Variants in RAI14 observed in about 807,000 individuals in gnomAD.
RAI14 encodes retinoic acid induced 14, also known as ankycorbin.
A neutral mutation model predicts 115.4 loss-of-function variants in RAI14; 45 were observed. The ratio of observed to expected loss-of-function variants is 0.39; its 90% CI spans 0.31 to 0.50. The LOEUF (loss-of-function observed/expected upper bound fraction) is 0.50. Among genes scored for constraint, RAI14 ranks in the 20% least tolerant of loss-of-function variants. The probability of loss-of-function intolerance (pLI) is 0.85; values close to 1 mark genes in which losing one functional copy is unlikely to be tolerated. For missense variants in RAI14, 939 were observed against 1,131.2 expected (o/e 0.83, Z 2.44); for synonymous variants, 371 against 415.4 (o/e 0.89, Z 1.30).
chr5:34,801,470 G>A (rs1354658667), intron 4 of RAI14, among the ~76,000 whole-genome samples: 3 of 148,100 alleles, frequency 2.0e-5, no homozygotes, highest in South Asian at 2.2e-4. Flanking sequence ...GGGGCCGGGC[G>A]CAGTGGCTCA....
At chr5:34,747,611 C>T (rs1746458805) in intron 2 of RAI14, among the ~76,000 whole-genome samples, 1 of 152,148 alleles carries the variant, frequency 6.6e-6, no homozygotes, top group Non-Finnish European at 1.5e-5. Flanking sequence ...TAATTTTTCT[C>T]CATGAAGGAA....
At chr5:34,724,517 G>A (rs1386121899) in intron 2 of RAI14, among the ~76,000 whole-genome samples, 1 of 152,130 alleles carries the variant, frequency 6.6e-6, no homozygotes, top group African/African-American at 2.4e-5. Flanking sequence ...GGCGTGACAG[G>A]AAGCCATGGA....
Position 34,730,496 on chromosome 5 carries a change from C to T in RAI14, c.37-26972C>T, listed in dbSNP as rs981877376. On this transcript the variant is annotated intron_variant, in intron 2 of 17. Transcript: ENST00000265109. Reference sequence around the variant, plus strand: ...TTCAAGACTAGACTGGTCAACATGGCGAAACCCCGTCTCTACTAAAAATAC... The same window carrying T: ...TTCAAGACTAGACTGGTCAACATGGTGAAACCCCGTCTCTACTAAAAATAC... Among the ~76,000 whole-genome samples, 9 of 151,752 alleles carry T rather than the reference C, an allele frequency of 5.9e-5. No individual in the cohort carries two copies. The South Asian group carries it at 8.4e-4, about 14-fold the overall frequency.
intron 2 of RAI14, among the ~76,000 whole-genome samples, chr5:34,688,474 CT>C: frequency 6.6e-6 from 1 of 152,142 alleles, no homozygotes; most frequent in East Asian, 1.9e-4. Flanking sequence ...AAATCAAAAA[CT>C]GGTGGCAGTA....
chr5:34,678,077 G>C (rs1744117636), intron 1 of RAI14, among the ~76,000 whole-genome samples: 1 of 150,464 alleles, frequency 6.6e-6, no homozygotes, highest in South Asian at 2.2e-4. Flanking sequence ...TAAGAAGTTA[G>C]AGGGATAAAA....
chr5:34,798,940 T>C (rs1753863356), intron 4 of RAI14, among the ~76,000 whole-genome samples: 1 of 152,220 alleles, frequency 6.6e-6, no homozygotes, highest in African/African-American at 2.4e-5. Context: ...TCACCTGATA[T>C]TTTTAGCCAT....
At chr5:34,666,592 G>A (rs1056191055) in intron 1 of RAI14, among the ~76,000 whole-genome samples, 22 of 152,146 alleles carry the variant, frequency 1.4e-4, no homozygotes, top group Non-Finnish European at 2.6e-4. Flanking sequence ...GGACTGCCAC[G>A]TCAGCTGTAC....
chr5:34,754,546 T>A (rs1747633387), intron 2 of RAI14, among the ~76,000 whole-genome samples: 1 of 132,662 alleles, frequency 7.5e-6, no homozygotes, highest in African/African-American at 2.5e-5. Context: ...TCCCTCCTCT[T>A]TTCCCAACCT....
At chr5:34,697,401 A>G (rs1739395568) in intron 2 of RAI14, among the ~76,000 whole-genome samples, 1 of 150,022 alleles carries the variant, frequency 6.7e-6, no homozygotes, top group Non-Finnish European at 1.5e-5. Context: ...GTGCCATTGC[A>G]CTCCAGCCTG....
intron 2 of RAI14, among the ~76,000 whole-genome samples, chr5:34,719,925 C>A (rs1742456549): frequency 1.3e-5 from 2 of 152,094 alleles, no homozygotes; most frequent in African/African-American, 4.8e-5. Flanking sequence ...TGGACAAGAG[C>A]CATATTACCT....
chr5:34,830,441 C>T (rs1757924810), intron 17 of RAI14, among the ~76,000 whole-genome samples: 1 of 152,178 alleles, frequency 6.6e-6, no homozygotes, highest in African/African-American at 2.4e-5. Flanking sequence ...GCAACTGAGA[C>T]CCCAGATAGC....
At chr5:34,828,534 G>A (rs978667012) in intron 16 of RAI14, among the ~76,000 whole-genome samples, 15 of 56,046 alleles carry the variant, frequency 2.7e-4, no homozygotes, top group Non-Finnish European at 5.2e-4. Context: ...CTTAAAGGAC[G>A]GGTTTTAAAA....
At position 34,674,670 on chromosome 5, in the gene RAI14, C is replaced by T. The variant is rs965003265; in HGVS notation, c.-48-12202C>T. Among the ~76,000 whole-genome samples the T allele has an allele frequency of 1.3e-4, 20 of 151,500 alleles. No homozygotes were observed. In the East Asian group the frequency reaches 2.1e-3, roughly 16 times the overall value. The stretch of plus-strand genomic sequence containing the variant: ...TGCGATCTCACCTGACTGCGACCTC[C>T]GCCTCCCAGATTCAAGCGATTCTCC... On this transcript the variant is annotated intron_variant, in intron 1 of 17. Coordinates refer to ENST00000265109, the MANE Select transcript of RAI14 (RefSeq NM_015577.3).
chr5:34,809,264 A>G (rs1755299640), intron 7 of RAI14, among the ~76,000 whole-genome samples: 6 of 152,312 alleles, frequency 3.9e-5, no homozygotes, highest in Admixed American at 3.9e-4. Context: ...TAGTGTATTG[A>G]CTTTGGAAAC....
chr5:34,666,454 G>A (rs1407443961), intron 1 of RAI14, among the ~76,000 whole-genome samples: 2 of 152,192 alleles, frequency 1.3e-5, no homozygotes, highest in Admixed American at 1.3e-4. Context: ...CCAGCCTGAT[G>A]TGGCTGTCTT....
chr5:34,714,461 G>C (rs1475659326), intron 2 of RAI14, among the ~76,000 whole-genome samples: 1 of 152,162 alleles, frequency 6.6e-6, no homozygotes, highest in Non-Finnish European at 1.5e-5. Context: ...CAGCAAAGAA[G>C]CCAGATTGAT....
intron 4 of RAI14, among the ~76,000 whole-genome samples, chr5:34,800,721 C>T (rs1034830775): frequency 6.6e-6 from 1 of 152,154 alleles, no homozygotes; most frequent in African/African-American, 2.4e-5. Flanking sequence ...CCAGGTATGA[C>T]TAGAACACTT....
intron 1 of RAI14, among the ~76,000 whole-genome samples, chr5:34,673,505 G>T (rs1743760659): frequency 1.3e-5 from 2 of 152,210 alleles, no homozygotes; most frequent in African/African-American, 4.8e-5. Context: ...AATGCAACCT[G>T]CAATTGTGCT....
intron 13 of RAI14, among the ~76,000 whole-genome samples, chr5:34,820,924 A>G (rs1008707413): frequency 8.5e-5 from 13 of 152,302 alleles, no homozygotes; most frequent in Middle Eastern, 6.8e-3. Flanking sequence ...GGACTGGGCA[A>G]AGTTTGACAT....
Sources: allele counts gnomAD v4.1 joint callset (sites outside exome capture counted in the v4.1 genomes callset), GRCh38; gene constraint gnomAD v4.1.1; transcripts MANE v1.5; gene names NCBI Gene and HGNC (gene_info 2026-07-23, HGNC 2026-07-21).